Variants in CSMD3 observed in about 807,000 individuals in gnomAD.
CSMD3 encodes the protein CUB and sushi domain-containing protein 3.
A neutral mutation model predicts 435.2 loss-of-function variants in CSMD3; 177 were observed. The observed-to-expected ratio is 0.41, with a 90% confidence interval of 0.36 to 0.46. The LOEUF (loss-of-function observed/expected upper bound fraction) is 0.46, where lower values mean the gene tolerates loss of function less well. Ranked by LOEUF, CSMD3 falls within the 20% of genes least tolerant of loss-of-function variation. The probability of loss-of-function intolerance (pLI) is 0.34; values close to 1 mark genes in which losing one functional copy is unlikely to be tolerated. For synonymous variants in CSMD3, 1,656 were observed against 1,520.5 expected, an observed-to-expected ratio of 1.09 and a Z score of -2.07; for missense variants, 4,265 against 4,504.6, an observed-to-expected ratio of 0.95 and a Z score of 1.52.
At chr8:113,172,320 T>C (rs2092281713) in intron 4 of CSMD3, among the ~76,000 whole-genome samples, 2 of 152,182 alleles carry the variant, frequency 1.3e-5, no homozygotes, top group Admixed American at 6.6e-5. Flanking sequence ...ATTTAAGTGA[T>C]AATGCTTATA....
intron 1 of CSMD3, among the ~76,000 whole-genome samples, chr8:113,323,370 TTATTA>T (rs1312626054): frequency 6.6e-6 from 1 of 152,172 alleles, no homozygotes; most frequent in Non-Finnish European, 1.5e-5. Context: ...ATTCAAACTA[TTATTA>T]TTTTACTAGT....
intron 3 of CSMD3, among the ~76,000 whole-genome samples, chr8:113,266,679 T>C (rs1421447307): frequency 6.6e-6 from 1 of 151,632 alleles, no homozygotes; most frequent in African/African-American, 2.4e-5. Context: ...TTAGCCACAT[T>C]TTTATATTTC....
intron 10 of CSMD3, among the ~76,000 whole-genome samples, chr8:112,888,594 A>C (rs2130300824): frequency 6.6e-6 from 1 of 151,862 alleles, no homozygotes; most frequent in Admixed American, 6.6e-5. Flanking sequence ...TTGATTCTAC[A>C]GAAACCTCCA....
At chr8:112,456,643 CA>C (rs1222317321) in intron 32 of CSMD3, among the ~76,000 whole-genome samples, 1 of 151,944 alleles carries the variant, frequency 6.6e-6, no homozygotes, top group African/African-American at 2.4e-5. Context: ...TTGATACTTA[CA>C]AAAATGTTAT....
At chr8:113,130,348 T>C (rs748664672) in intron 4 of CSMD3, among the ~76,000 whole-genome samples, 4 of 152,082 alleles carry the variant, frequency 2.6e-5, no homozygotes, top group Non-Finnish European at 4.4e-5. Flanking sequence ...GATTGGATCA[T>C]GGGGAGGAAT....
intron 1 of CSMD3, among the ~76,000 whole-genome samples, chr8:113,384,170 A>G (rs910692267): frequency 6.6e-6 from 1 of 152,166 alleles, no homozygotes; most frequent in Non-Finnish European, 1.5e-5. Flanking sequence ...GTCATAGTCT[A>G]TAATAATTAT....
intron 38 of CSMD3, among the ~76,000 whole-genome samples, chr8:112,369,982 AAAGAGGAAGAGGAAGAAG>A: frequency 1.4e-5 from 1 of 72,194 alleles, no homozygotes; most frequent in Non-Finnish European, 2.8e-5. Context: ...AGAAGAAGAG[AAAGAGGAAGAGGAAGAAG>A]AAGAGGAAGA....
intron 33 of CSMD3, 135 bp downstream of exon 33, chr8:112,408,782 GAA>G (rs954264205): frequency 1.2e-5 from 15 of 1,217,414 alleles, no homozygotes; most frequent in African/African-American, 4.8e-5. Context: ...CTATTCTTTA[GAA>G]AAAAAAAAGG....
intron 10 of CSMD3, among the ~76,000 whole-genome samples, chr8:112,898,783 CAT>C (rs2082022936): frequency 6.6e-6 from 1 of 151,234 alleles, no homozygotes; most frequent in Admixed American, 6.6e-5. Flanking sequence ...TTTTATCACA[CAT>C]AAAATTATAA....
intron 7 of CSMD3, among the ~76,000 whole-genome samples, chr8:112,959,718 T>A (rs2084159540): frequency 6.6e-6 from 1 of 151,880 alleles, no homozygotes; most frequent in Admixed American, 6.6e-5. Flanking sequence ...TAATTTCCTT[T>A]TAATGTTTTG....
intron 66 of CSMD3, among the ~76,000 whole-genome samples, chr8:112,238,267 T>G (rs1208391186): frequency 6.6e-6 from 1 of 151,006 alleles, no homozygotes; most frequent in Non-Finnish European, 1.5e-5. Flanking sequence ...TAGGAAAAAG[T>G]CCTTTTTTTT....
At chr8:113,056,525 A>G (rs866998776) in intron 5 of CSMD3, among the ~76,000 whole-genome samples, 1 of 152,216 alleles carries the variant, frequency 6.6e-6, no homozygotes, top group Non-Finnish European at 1.5e-5. Flanking sequence ...TGTTTTCTCT[A>G]CAAGCATATC....
chr8:113,401,997 T>A (rs2094512178), intron 1 of CSMD3, among the ~76,000 whole-genome samples: 2 of 151,474 alleles, frequency 1.3e-5, no homozygotes, highest in African/African-American at 4.8e-5. Context: ...AACACATTTC[T>A]CTGAATGTGT....
chr8:112,792,431 G>C (rs891540960), intron 13 of CSMD3, among the ~76,000 whole-genome samples: 1 of 152,028 alleles, frequency 6.6e-6, no homozygotes, highest in Admixed American at 6.6e-5. Context: ...GTTCATATAA[G>C]GGCACTAATC....
intron 45 of CSMD3, among the ~76,000 whole-genome samples, chr8:112,327,679 C>T (rs1274650497): frequency 6.6e-6 from 1 of 152,108 alleles, no homozygotes; most frequent in Non-Finnish European, 1.5e-5. Flanking sequence ...AACTTTTAAA[C>T]ACCATTTGCT....
At chr8:112,692,951 A>C (rs1414293045) in intron 13 of CSMD3, among the ~76,000 whole-genome samples, 1 of 151,550 alleles carries the variant, frequency 6.6e-6, no homozygotes, top group Non-Finnish European at 1.5e-5. Flanking sequence ...CTATCTATCT[A>C]TCTATCTATC....
chr8:112,770,837 C>A (rs1269433348), intron 13 of CSMD3, among the ~76,000 whole-genome samples: 1 of 151,858 alleles, frequency 6.6e-6, no homozygotes, highest in Non-Finnish European at 1.5e-5. Flanking sequence ...CAGATTTTAC[C>A]TATAACAGCT....
chr8:112,614,996 A>T (rs1833551412), intron 22 of CSMD3, among the ~76,000 whole-genome samples: 1 of 105,018 alleles, frequency 9.5e-6, no homozygotes, highest in Non-Finnish European at 2.0e-5. Context: ...ACAACTGTAG[A>T]CATAACAAGA....
At position 112,384,684 on chromosome 8, in the gene CSMD3, G is replaced by C. The variant is rs140917965; in HGVS notation, c.5935-1021C>G. On this transcript the variant is annotated intron_variant, in intron 36 of 70. Coordinates refer to ENST00000297405, the MANE Select transcript of CSMD3 (RefSeq NM_198123.2). ...CCCATCATTATTCTTCCATGCAAGT[G>C]AATGCTGGTGCCTGTTTCCAGGGGT... Among the ~76,000 whole-genome samples the C allele has an allele frequency of 3.9e-3, 597 of 152,314 alleles. 4 individuals carry two copies. Among genetic ancestry groups the C allele is most frequent in the African/African-American group, 0.014 (565 of 41,574 alleles).
Sources: gnomAD v4.1 joint callset for allele counts (sites outside exome capture counted in the v4.1 genomes callset) on GRCh38, gnomAD v4.1.1 for gene constraint, MANE v1.5 for transcripts, NCBI Gene and HGNC (gene_info 2026-07-23, HGNC 2026-07-21) for gene names.